The following CACHD1 variants were observed in gnomAD, a reference collection of about 807,000 sequenced individuals.
The protein encoded by CACHD1 is cache domain containing 1.
In CACHD1, 71 loss-of-function variants were observed where a neutral mutation model predicts 138.7. The observed-to-expected ratio is 0.51, with a 90% CI of 0.42 to 0.62. The LOEUF (loss-of-function observed/expected upper bound fraction) is 0.62. Among genes scored for constraint, CACHD1 ranks in the 20% least tolerant of loss-of-function variants. The pLI is 0.00. For synonymous variants in CACHD1, 578 were observed against 591.5 expected (o/e 0.98, Z 0.33); for missense variants, 1,389 against 1,625.3 (o/e 0.85, Z 2.50).
At chr1:64,481,564 G>A (rs771356708) in intron 1 of CACHD1, among the ~76,000 whole-genome samples, 3 of 152,136 alleles carry the variant, frequency 2.0e-5, no homozygotes, top group Non-Finnish European at 4.4e-5. Context: ...ATAGCAAGGT[G>A]GATTGGTAGA....
chr1:64,650,763 T>A (rs1649062087), intron 9 of CACHD1, among the ~76,000 whole-genome samples: 1 of 152,242 alleles, frequency 6.6e-6, no homozygotes, highest in Non-Finnish European at 1.5e-5. Flanking sequence ...AATGGCTTTC[T>A]GATAGGCTGA....
chr1:64,575,122 C>G (rs184658543), intron 2 of CACHD1, among the ~76,000 whole-genome samples: 1 of 152,076 alleles, frequency 6.6e-6, no homozygotes, highest in Non-Finnish European at 1.5e-5. Flanking sequence ...AAGAATAATC[C>G]CTTGTATTTG....
chr1:64,513,313 C>A (rs570483067), intron 1 of CACHD1, among the ~76,000 whole-genome samples: 1 of 152,148 alleles, frequency 6.6e-6, no homozygotes, highest in Admixed American at 6.5e-5. Context: ...TGTCAAGTGT[C>A]CCCTGGGGGG....
At chr1:64,680,248 G>A (rs1227894561) in intron 24 of CACHD1, among the ~76,000 whole-genome samples, 2 of 152,128 alleles carry the variant, frequency 1.3e-5, no homozygotes, top group Non-Finnish European at 1.5e-5. Context: ...CAGCACTTTG[G>A]GAGGCCGAGG....
At chr1:64,494,979 G>T (rs566550468) in intron 1 of CACHD1, among the ~76,000 whole-genome samples, 2 of 152,114 alleles carry the variant, frequency 1.3e-5, no homozygotes, top group East Asian at 1.9e-4. Context: ...TTTGCTGTTG[G>T]CATAAATCTT....
chr1:64,582,378 A>C, intron 3 of CACHD1, 74 bp downstream of exon 3: 1 of 1,317,616 alleles, frequency 7.6e-7, no homozygotes, highest in Non-Finnish European at 1.1e-6. Context: ...TCATATTCAA[A>C]ATACCTGTGT....
At chr1:64,569,058 A>G (rs1055241872) in intron 2 of CACHD1, among the ~76,000 whole-genome samples, 1 of 152,050 alleles carries the variant, frequency 6.6e-6, no homozygotes, top group Non-Finnish European at 1.5e-5. Flanking sequence ...AGTAGCTGGG[A>G]TTACAGGCAT....
At chr1:64,594,605 TCTAG>T (rs1647135267) in intron 3 of CACHD1, among the ~76,000 whole-genome samples, 1 of 152,214 alleles carries the variant, frequency 6.6e-6, no homozygotes, top group South Asian at 2.1e-4. Context: ...CTGCTGAGAA[TCTAG>T]CTTCCTGCGT....
intron 9 of CACHD1, among the ~76,000 whole-genome samples, chr1:64,648,451 T>C (rs900611952): frequency 2.6e-5 from 4 of 152,156 alleles, no homozygotes; most frequent in African/African-American, 9.7e-5. Context: ...GTAAGTTATT[T>C]AATGGTGTTA....
At chr1:64,543,007 A>ACG (rs1646689127) in intron 1 of CACHD1, among the ~76,000 whole-genome samples, 1 of 152,016 alleles carries the variant, frequency 6.6e-6, no homozygotes, top group Non-Finnish European at 1.5e-5. Flanking sequence ...ACACACACAC[A>ACG]CACACGCATA....
rs1648973751 is a variant in CACHD1 at position 64,648,113 on chromosome 1, A to G, written c.1390+79A>G. Reference sequence around the variant, plus strand: ...GAAATGGCACCTCTTTCTCAGGATCATAGGGTTTCTTAGCACCCCTGCCAC... The same window carrying G: ...GAAATGGCACCTCTTTCTCAGGATCGTAGGGTTTCTTAGCACCCCTGCCAC... On this transcript the variant is annotated intron_variant, in intron 9 of 26. Transcript: ENST00000651257. The G allele has an allele frequency of 2.7e-6, 3 of 1,123,066 alleles. No homozygotes were observed. In the South Asian group the frequency reaches 4.3e-5, roughly 16 times the overall value. 69.6% of individuals were successfully genotyped at this position (1,123,066 alleles called of 1,614,324 possible). A position where few individuals can be genotyped will look rare whatever the true frequency, so the allele number is the denominator to read the frequency against.
rs537199668 is a variant in CACHD1 at position 64,604,449 on chromosome 1, A to G, written c.517+1537A>G. The stretch of plus-strand genomic sequence containing the variant: ...GGATTCCACAACTGGCACAGGGTGC[A>G]AAGCTGGAAATCGAGTCTCCAGGTT... On this transcript the variant is annotated intron_variant, in intron 4 of 26. Transcript: ENST00000651257. Among the ~76,000 whole-genome samples, 3 of 152,318 alleles carry G rather than the reference A, an allele frequency of 2.0e-5. No individual in the cohort carries two copies. The South Asian group carries it at 6.2e-4, about 32-fold the overall frequency.
intron 26 of CACHD1, among the ~76,000 whole-genome samples, chr1:64,691,092 G>C (rs922914557): frequency 6.6e-6 from 1 of 151,792 alleles, no homozygotes; most frequent in African/African-American, 2.4e-5. Context: ...TTTCTCAGCT[G>C]TCTGAAGTGG....
intron 3 of CACHD1, among the ~76,000 whole-genome samples, chr1:64,589,598 G>A (rs985461862): frequency 3.3e-5 from 5 of 152,006 alleles, no homozygotes; most frequent in Non-Finnish European, 5.9e-5. Flanking sequence ...AGACTCAAAG[G>A]AGAGTTGCAG....
intron 1 of CACHD1, among the ~76,000 whole-genome samples, chr1:64,518,315 C>T (rs576222542): frequency 1.3e-5 from 2 of 151,794 alleles, no homozygotes; most frequent in Admixed American, 6.6e-5. Flanking sequence ...CTTTAAGTTC[C>T]GGGATACATG....
At chr1:64,506,805 CG>C (rs1285963077) in intron 1 of CACHD1, among the ~76,000 whole-genome samples, 1 of 152,128 alleles carries the variant, frequency 6.6e-6, no homozygotes, top group Non-Finnish European at 1.5e-5. Flanking sequence ...TAAAGCTGTT[CG>C]GTATTTTCAC....
chr1:64,591,095 A>C (rs370702823), intron 3 of CACHD1, among the ~76,000 whole-genome samples: 25 of 152,310 alleles, frequency 1.6e-4, no homozygotes, highest in Middle Eastern at 6.8e-3. Flanking sequence ...CAAATTAATA[A>C]ATTCTGGGTT....
At position 64,486,369 on chromosome 1, in the gene CACHD1, T is replaced by TACACAC. The variant is rs3078376; in HGVS notation, c.198+15445_198+15450dup. On this transcript the variant is annotated intron_variant, in intron 1 of 26. Coordinates refer to ENST00000651257, the MANE Select transcript of CACHD1 (RefSeq NM_020925.4). ...GCGCGCGCACACACACACACACACA[T>TACACAC]ACACACACACACACACACACACATA... 2.4e-3 allele frequency among the ~76,000 whole-genome samples: 342 copies of TACACAC among 145,124 alleles called. 4 individuals carry two copies. In the South Asian group the frequency reaches 0.029, roughly 12 times the overall value.
chr1:64,608,758 C>T (rs1177212259), intron 4 of CACHD1, among the ~76,000 whole-genome samples: 1 of 152,164 alleles, frequency 6.6e-6, no homozygotes, highest in African/African-American at 2.4e-5. Flanking sequence ...CTTTCTCACT[C>T]TCTCTCTTTT....
Sources: allele counts gnomAD v4.1 joint callset (sites outside exome capture counted in the v4.1 genomes callset), GRCh38; gene constraint gnomAD v4.1.1; transcripts MANE v1.5; gene names NCBI Gene and HGNC (gene_info 2026-07-23, HGNC 2026-07-21).